ITCH: variants seen among roughly 807,000 people sequenced by gnomAD.
ITCH encodes itchy E3 ubiquitin protein ligase, also known as E3 ubiquitin-protein ligase Itchy homolog.
Under a neutral mutation model 126.8 loss-of-function variants are expected in ITCH, and 28 were observed. The ratio of observed to expected loss-of-function variants is 0.22; its 90% CI spans 0.16 to 0.30. The LOEUF (loss-of-function observed/expected upper bound fraction) is 0.30. ITCH is among the 10% of genes least tolerant of loss of function. ITCH has a pLI of 1.00. For synonymous variants in ITCH, 342 were observed against 340.0 expected (o/e 1.01, Z -0.06); for missense variants, 631 against 1,032.4 (o/e 0.61, Z 5.33).
chr20:34,424,340 A>G lies in ITCH; in HGVS notation c.476-140A>G. On this transcript the variant is annotated intron_variant, in intron 6 of 24. Coordinates refer to ENST00000374864, the MANE Select transcript of ITCH (RefSeq NM_031483.7). ...AAATCACATTTTTCCTTTTAAAGTC[A>G]TGTTGGAATTTAAGTTATAGTATGT... is the stretch of plus-strand genomic sequence containing the variant. 9 of 723,882 alleles carry G rather than the reference A, an allele frequency of 1.2e-5. No individual in the cohort carries two copies. The South Asian group carries it at 1.5e-4, about 12-fold the overall frequency. 44.8% of individuals were successfully genotyped at this position (723,882 alleles called of 1,614,324 possible).
At chr20:34,469,653 A>G (rs1987431214) in intron 14 of ITCH, among the ~76,000 whole-genome samples, 1 of 152,214 alleles carries the variant, frequency 6.6e-6, no homozygotes, top group African/African-American at 2.4e-5. Context: ...TCACATGGCC[A>G]TATAGAGAAA....
chr20:34,440,093 ATTC>A (rs1337310869), intron 8 of ITCH, 59 bp from the exon 9 acceptor site: 2 of 1,232,688 alleles, frequency 1.6e-6, no homozygotes, highest in Non-Finnish European at 1.2e-6. Flanking sequence ...TACAGTTAAA[ATTC>A]TATCCTGAAT....
At chr20:34,378,415 G>A (rs2037926498) in intron 2 of ITCH, among the ~76,000 whole-genome samples, 1 of 138,158 alleles carries the variant, frequency 7.2e-6, no homozygotes, top group Admixed American at 8.1e-5. Flanking sequence ...AGAGGTTGCA[G>A]TGAGCAGAGA....
chr20:34,477,362 C>T (rs1988327451), intron 16 of ITCH, among the ~76,000 whole-genome samples: 2 of 152,158 alleles, frequency 1.3e-5, no homozygotes, highest in South Asian at 2.1e-4. Context: ...AAAACCCCGT[C>T]TCTACTAAAA....
At chr20:34,369,017 T>TG (rs2037521718) in intron 1 of ITCH, among the ~76,000 whole-genome samples, 1 of 152,212 alleles carries the variant, frequency 6.6e-6, no homozygotes, top group Non-Finnish European at 1.5e-5. Flanking sequence ...GCAAGGTCGT[T>TG]GCAGATCTGA....
intron 14 of ITCH, among the ~76,000 whole-genome samples, chr20:34,462,826 G>A (rs993117243): frequency 3.3e-5 from 5 of 152,114 alleles, no homozygotes; most frequent in Non-Finnish European, 5.9e-5. Context: ...TTGACTAGTC[G>A]AAGTACCTCA....
chr20:34,415,657 A>T (rs1979725481), intron 6 of ITCH, among the ~76,000 whole-genome samples: 1 of 152,152 alleles, frequency 6.6e-6, no homozygotes, highest in Admixed American at 6.5e-5. Context: ...ACTGATTTGG[A>T]GTTGACACTT....
chr20:34,406,684 G>A (rs1237253409), intron 3 of ITCH, among the ~76,000 whole-genome samples: 1 of 152,056 alleles, frequency 6.6e-6, no homozygotes, highest in Non-Finnish European at 1.5e-5. Flanking sequence ...ACAGGCGCTC[G>A]CCACCACGCC....
At chr20:34,456,151 T>TTA (rs1303086557) in intron 12 of ITCH, among the ~76,000 whole-genome samples, 46 of 141,990 alleles carry the variant, frequency 3.2e-4, no homozygotes, top group African/African-American at 1.1e-3. Flanking sequence ...ATATATATTT[T>TTA]TATATATTGT....
At chr20:34,472,347 A>G (rs1987712195) in intron 16 of ITCH, among the ~76,000 whole-genome samples, 2 of 151,022 alleles carry the variant, frequency 1.3e-5, no homozygotes, top group Non-Finnish European at 3.0e-5. Flanking sequence ...AGCCTGGGCA[A>G]TAAGAGCAAA....
chr20:34,423,873 G>A (rs1981131303), intron 6 of ITCH, among the ~76,000 whole-genome samples: 1 of 152,148 alleles, frequency 6.6e-6, no homozygotes, highest in African/African-American at 2.4e-5. Flanking sequence ...AAAATGCTGG[G>A]ATTACAGGTG....
At chr20:34,477,959 A>T in intron 17 of ITCH, 99 bp downstream of exon 17, 1 of 1,466,082 alleles carries the variant, frequency 6.8e-7, no homozygotes, top group Non-Finnish European at 9.4e-7. Context: ...ATATTTTAGG[A>T]AAATGAAATA....
chr20:34,451,596 A>T (rs1462374327), intron 12 of ITCH, among the ~76,000 whole-genome samples: 2 of 152,152 alleles, frequency 1.3e-5, no homozygotes, highest in African/African-American at 4.8e-5. Flanking sequence ...AGAAGAGGGG[A>T]TGTTGCCCTT....
At chr20:34,411,324 T>C (rs993181775) in intron 4 of ITCH, among the ~76,000 whole-genome samples, 2 of 152,196 alleles carry the variant, frequency 1.3e-5, no homozygotes, top group East Asian at 3.9e-4. Context: ...ACTAATTTTT[T>C]TGTAATTTTA....
chr20:34,408,140 A>G (rs181170106), intron 3 of ITCH, among the ~76,000 whole-genome samples: 303 of 152,284 alleles, frequency 2.0e-3, no homozygotes, highest in Non-Finnish European at 3.4e-3. Flanking sequence ...CTGTTGCACA[A>G]CCATAGCTCA....
intron 2 of ITCH, among the ~76,000 whole-genome samples, chr20:34,379,623 C>G (rs2037975191): frequency 7.0e-6 from 1 of 143,182 alleles, no homozygotes; most frequent in South Asian, 2.2e-4. Context: ...TAGACGGAGT[C>G]TCGCTCTGTC....
chr20:34,450,898 A>C (rs1196434528), intron 12 of ITCH: 1 of 152,220 alleles, frequency 6.6e-6, no homozygotes, highest in Non-Finnish European at 1.5e-5. Context: ...AAAGGTATCT[A>C]TTCTCAAAAC....
intron 2 of ITCH, among the ~76,000 whole-genome samples, chr20:34,388,277 T>C (rs947273330): frequency 6.6e-6 from 1 of 152,202 alleles, no homozygotes. Flanking sequence ...TTTAAATTTT[T>C]TGTAGAGATG....
chr20:34,420,302 A>C (rs1007871189), intron 6 of ITCH, among the ~76,000 whole-genome samples: 1 of 152,158 alleles, frequency 6.6e-6, no homozygotes, highest in African/African-American at 2.4e-5. Context: ...GGATTTGCCT[A>C]TTCAGGATAT....
Sources: allele counts gnomAD v4.1 joint callset (sites outside exome capture counted in the v4.1 genomes callset), GRCh38; gene constraint gnomAD v4.1.1; transcripts MANE v1.5; gene names NCBI Gene and HGNC (gene_info 2026-07-23, HGNC 2026-07-21).